RIC3: variants seen among roughly 807,000 people sequenced by gnomAD.
RIC3 encodes protein RIC-3.
A neutral mutation model predicts 27.3 loss-of-function variants in RIC3; 28 were observed. The ratio of observed to expected loss-of-function variants is 1.02; its 90% confidence interval spans 0.76 to 1.41. RIC3 has a LOEUF of 1.41. RIC3 is among the 40% of genes most tolerant of loss of function. The pLI, the probability that RIC3 is intolerant of heterozygous loss-of-function variation, is 0.00. For synonymous variants in RIC3, 184 were observed against 160.4 expected, an observed-to-expected ratio of 1.15 and a Z score of -1.11; for missense variants, 501 against 444.7, an observed-to-expected ratio of 1.13 and a Z score of -1.14.
chr11:8,111,181 C>CAAAAA, intron 5 of RIC3, 44 bp from the exon 6 acceptor site: 1 of 1,064,842 alleles, frequency 9.4e-7, no homozygotes, highest in African/African-American at 1.7e-5. Flanking sequence ...AATGTCTCCT[C>CAAAAA]AAAAAAAAAA....
chr11:8,153,465 T>C, intron 1 of RIC3: 1 of 449,314 alleles, frequency 2.2e-6, no homozygotes, highest in Non-Finnish European at 4.4e-6. Context: ...GGTCATTCAA[T>C]AAATATTGGA....
intron 1 of RIC3, among the ~76,000 whole-genome samples, chr11:8,161,374 T>A (rs1241676292): frequency 6.6e-6 from 1 of 152,190 alleles, no homozygotes; most frequent in Non-Finnish European, 1.5e-5. Flanking sequence ...CCATTCCTAT[T>A]TTGGCAAAGG....
chr11:8,101,219 C>T (rs760189415), downstream of RIC3, among the ~76,000 whole-genome samples: 3 of 152,216 alleles, frequency 2.0e-5, no homozygotes, highest in African/African-American at 4.8e-5. Flanking sequence ...AACGGAGTCT[C>T]AGGCACGGGA....
intron 1 of RIC3, among the ~76,000 whole-genome samples, chr11:8,146,123 A>G (rs1241358086): frequency 1.3e-5 from 2 of 152,234 alleles, no homozygotes; most frequent in Admixed American, 6.5e-5. Context: ...ACAATAGTGT[A>G]GTAGGGAGTT....
chr11:8,125,704 T>C (rs144664160), intron 5 of RIC3, among the ~76,000 whole-genome samples: 19 of 152,326 alleles, frequency 1.2e-4, no homozygotes, highest in African/African-American at 4.1e-4. Flanking sequence ...AAAGTAGACC[T>C]ACTTAGGAAA....
the RIC3 span, chr11:8,098,854 G>A: frequency 6.2e-7 from 1 of 1,614,014 alleles, no homozygotes; most frequent in Non-Finnish European, 8.5e-7. Flanking sequence ...CCTTACGTCA[G>A]GAGCTGGCAG....
At chr11:8,124,216 C>A (rs78821026) in intron 5 of RIC3, among the ~76,000 whole-genome samples, 7,250 of 152,134 alleles carry the variant, frequency 0.048, 263 homozygotes, top group African/African-American at 0.1. Flanking sequence ...CTCTATGAAA[C>A]TTTTCCAGAA....
intron 1 of RIC3, among the ~76,000 whole-genome samples, chr11:8,168,235 A>G (rs971854945): frequency 6.6e-5 from 10 of 152,188 alleles, no homozygotes; most frequent in African/African-American, 2.4e-4. Context: ...CACCACATAC[A>G]TCATGCCAAC....
chr11:8,096,710 C>G, the RIC3 span: 15 of 1,612,638 alleles, frequency 9.3e-6, no homozygotes, highest in South Asian at 1.3e-4. Flanking sequence ...TGAGCTTTGA[C>G]GAGGATGAGG....
the RIC3 span, chr11:8,097,372 C>A: frequency 6.2e-7 from 1 of 1,614,144 alleles, no homozygotes; most frequent in Non-Finnish European, 8.5e-7. Flanking sequence ...AGGGATGGAC[C>A]GGGGCATGTA....
At chr11:8,162,875 G>C (rs990601803) in intron 1 of RIC3, among the ~76,000 whole-genome samples, 5 of 151,778 alleles carry the variant, frequency 3.3e-5, no homozygotes, top group African/African-American at 9.7e-5. Context: ...CGAACTCCTG[G>C]CCTCAAGCAA....
At chr11:8,164,750 C>A (rs1268152566) in intron 1 of RIC3, among the ~76,000 whole-genome samples, 1 of 145,214 alleles carries the variant, frequency 6.9e-6, no homozygotes, top group Non-Finnish European at 1.5e-5. Context: ...TGTATTCCAG[C>A]CTGTGCACCA....
At chr11:8,117,681 G>A (rs1946004951) in intron 5 of RIC3, among the ~76,000 whole-genome samples, 1 of 152,144 alleles carries the variant, frequency 6.6e-6, no homozygotes, top group Non-Finnish European at 1.5e-5. Context: ...ATTGCTAACA[G>A]AGTACATTTT....
chr11:8,098,043 C>G, the RIC3 span, among the ~76,000 whole-genome samples: 1 of 152,144 alleles, frequency 6.6e-6, no homozygotes, highest in Non-Finnish European at 1.5e-5. Context: ...CCAAGCTGTT[C>G]CCAGGAGGTG....
chr11:8,140,979 G>T lies in RIC3; in HGVS notation c.125-786C>A, dbSNP rs545798736. On this transcript the variant is annotated intron_variant, in intron 1 of 5. Transcript: ENST00000309737. ...TAAAATACTTTACAGACAAGCAAATGCTGAGAGATTTTGTCACCACCAGGC... is the reference window on the plus strand; with the variant it reads ...TAAAATACTTTACAGACAAGCAAATTCTGAGAGATTTTGTCACCACCAGGC... Among the ~76,000 whole-genome samples the T allele has an allele frequency of 2.3e-4, 35 of 149,122 alleles. 1 individual carries two copies. Among genetic ancestry groups the T allele is most frequent in the African/African-American group, 7.7e-4 (31 of 40,218 alleles).
Position 8,152,894 on chromosome 11 carries a change from GCT to G in RIC3, c.125-12703_125-12702del, listed in dbSNP as rs201566616. Among the ~76,000 whole-genome samples the G allele has an allele frequency of 1.6e-4, 24 of 152,146 alleles. No homozygotes were observed. The East Asian group carries it at 4.2e-3, about 27-fold the overall frequency. On this transcript the variant is annotated intron_variant, in intron 1 of 5. Transcript: ENST00000309737. ...AGGAAGCTCATCCTACCTCTACACA[GCT>G]CTGACTGATAGGACTGTCTTTATAT...
chr11:8,145,710 A>C (rs1456230377), intron 1 of RIC3, among the ~76,000 whole-genome samples: 1 of 152,114 alleles, frequency 6.6e-6, no homozygotes, highest in Non-Finnish European at 1.5e-5. Flanking sequence ...CATCAAGAGC[A>C]GTCAAAAGTT....
chr11:8,133,171 G>C (rs1367665930), intron 4 of RIC3, among the ~76,000 whole-genome samples: 3 of 152,158 alleles, frequency 2.0e-5, no homozygotes, highest in African/African-American at 7.2e-5. Context: ...TCTTTTGTAT[G>C]TGCTTGCTTG....
rs184936113 is a variant in RIC3, at chr11:8,118,323, A to G, written c.671-7186T>C. Among the ~76,000 whole-genome samples, 105 of 151,840 alleles carry G rather than the reference A, an allele frequency of 6.9e-4. 1 individual carries two copies. The highest frequency in any genetic ancestry group is 3.4e-3 in the Middle Eastern group (1 of 294). On this transcript the variant is annotated intron_variant, in intron 5 of 5. Coordinates refer to ENST00000309737, the MANE Select transcript of RIC3 (RefSeq NM_001206671.4). ...ACCAGCAGTTCAAAATGAGGGAACA[A>G]AACTAACCAAAACAAACAATGCCAA... is the stretch of plus-strand genomic sequence containing the variant.
Sources: gnomAD v4.1 joint callset for allele counts (sites outside exome capture counted in the v4.1 genomes callset) on GRCh38, gnomAD v4.1.1 for gene constraint, MANE v1.5 for transcripts, NCBI Gene and HGNC (gene_info 2026-07-23, HGNC 2026-07-21) for gene names.